DOCK3: variants seen among roughly 807,000 people sequenced by gnomAD.
DOCK3 encodes the protein dedicator of cytokinesis 3.
In DOCK3, 60 loss-of-function variants were observed where a neutral mutation model predicts 265.6. The observed-to-expected ratio is 0.23, with a 90% CI of 0.18 to 0.28. The LOEUF is 0.28. Among genes scored for constraint, DOCK3 ranks in the 10% least tolerant of loss-of-function variants. The probability of loss-of-function intolerance (pLI) is 1.00; values close to 1 mark genes in which losing one functional copy is unlikely to be tolerated. For synonymous variants in DOCK3, 881 were observed against 938.0 expected (o/e 0.94, Z 1.11); for missense variants, 1,981 against 2,594.3 (o/e 0.76, Z 5.14).
intron 3 of DOCK3, among the ~76,000 whole-genome samples, chr3:50,859,384 A>T (rs1299957584): frequency 6.6e-6 from 1 of 151,362 alleles, no homozygotes; most frequent in Non-Finnish European, 1.5e-5. Context: ...TGCCCAGCTA[A>T]TTTTTGTATT....
At chr3:51,128,154 G>A (rs1576173527) in intron 9 of DOCK3, among the ~76,000 whole-genome samples, 2 of 152,312 alleles carry the variant, frequency 1.3e-5, no homozygotes, top group Non-Finnish European at 2.9e-5. Context: ...CTCTAGGCCA[G>A]CAGAATATAA....
intron 5 of DOCK3, among the ~76,000 whole-genome samples, chr3:50,940,257 G>T (rs965310086): frequency 1.4e-5 from 2 of 141,458 alleles, no homozygotes; most frequent in Admixed American, 7.5e-5. Flanking sequence ...TTTGAGATCA[G>T]CCTGGGCAAC....
intron 7 of DOCK3, among the ~76,000 whole-genome samples, chr3:51,082,455 C>T (rs1366355414): frequency 6.6e-6 from 1 of 152,178 alleles, no homozygotes; most frequent in African/African-American, 2.4e-5. Flanking sequence ...TGGTGCAGTG[C>T]ACCTAGGAGA....
At chr3:50,827,252 A>G (rs1183204277) in intron 2 of DOCK3, among the ~76,000 whole-genome samples, 5 of 152,200 alleles carry the variant, frequency 3.3e-5, no homozygotes, top group African/African-American at 4.8e-5. Context: ...TTAGGCTGCT[A>G]TAACAATACT....
intron 35 of DOCK3, among the ~76,000 whole-genome samples, chr3:51,337,857 C>G (rs1175631525): frequency 6.6e-6 from 1 of 152,150 alleles, no homozygotes; most frequent in Admixed American, 6.5e-5. Context: ...TAGATGGCTC[C>G]AAACACTAGT....
intron 4 of DOCK3, among the ~76,000 whole-genome samples, chr3:50,895,391 T>G (rs73079191): frequency 0.094 from 14,285 of 151,684 alleles, 836 homozygotes; most frequent in Non-Finnish European, 0.12. Context: ...GTTCTTCTTC[T>G]TCTTTTTTTT....
intron 5 of DOCK3, among the ~76,000 whole-genome samples, chr3:51,051,614 T>C (rs1363533682): frequency 6.6e-6 from 1 of 152,154 alleles, no homozygotes; most frequent in Non-Finnish European, 1.5e-5. Context: ...AGAGTTGAGA[T>C]AGAAAACCAA....
chr3:50,901,900 C>T (rs750722408), intron 4 of DOCK3, among the ~76,000 whole-genome samples: 23 of 152,256 alleles, frequency 1.5e-4, no homozygotes, highest in Middle Eastern at 3.4e-3. Context: ...AGCTGCAGAC[C>T]GGAGCTGTTC....
chr3:50,934,068 G>A lies in DOCK3; in HGVS notation c.306G>A (p.Gln102=). 1 of 1,606,892 alleles carries A rather than the reference G, an allele frequency of 6.2e-7. No homozygotes were observed. Among genetic ancestry groups the A allele is most frequent in the Non-Finnish European group, 8.5e-7 (1 of 1,175,790 alleles). Reference sequence around the variant, plus strand: ...AAGAATGGGCAAGTTTGTGGAAACAGTTGTATGTGGTAAGTAGTTGATTAC... The same window carrying A: ...AAGAATGGGCAAGTTTGTGGAAACAATTGTATGTGGTAAGTAGTTGATTAC... ...TLQEWASLWK[Q]LYVKHKVDLF... The change falls in exon 5 of 53, where the codon CAG becomes CAA. Residue 102 remains glutamine (Q), a synonymous_variant. Transcript: ENST00000266037.
intron 4 of DOCK3, among the ~76,000 whole-genome samples, chr3:50,931,803 C>T (rs536985703): frequency 1.3e-5 from 2 of 152,326 alleles, no homozygotes; most frequent in Admixed American, 1.3e-4. Context: ...AGTGCCTAAT[C>T]ATTCTGCTTT....
intron 1 of DOCK3, among the ~76,000 whole-genome samples, chr3:50,698,537 T>TTTTTTTTTTTTTTTTTTTTTTTC (rs1454460850): frequency 7.6e-6 from 1 of 132,208 alleles, no homozygotes; most frequent in Non-Finnish European, 1.6e-5. Flanking sequence ...TTTTTTTTTT[T>TTTTTTTTTTTTTTTTTTTTTTTC]TTTTTGCTAT....
intron 3 of DOCK3, among the ~76,000 whole-genome samples, chr3:50,874,452 G>A (rs2107607078): frequency 6.6e-6 from 1 of 151,796 alleles, no homozygotes; most frequent in South Asian, 2.1e-4. Context: ...GCTGCAGTGA[G>A]CTAATTGTTC....
At chr3:50,937,914 T>C (rs1192527293) in intron 5 of DOCK3, among the ~76,000 whole-genome samples, 1 of 151,984 alleles carries the variant, frequency 6.6e-6, no homozygotes. Flanking sequence ...ATATGAGTGA[T>C]TACAAGATAG....
chr3:51,175,088 A>G (rs1317582654), intron 12 of DOCK3, among the ~76,000 whole-genome samples: 1 of 152,192 alleles, frequency 6.6e-6, no homozygotes, highest in East Asian at 1.9e-4. Context: ...CTGGGCAGGC[A>G]GGACTAGCCC....
chr3:50,932,541 C>T (rs1181894842), intron 4 of DOCK3, among the ~76,000 whole-genome samples: 2 of 152,088 alleles, frequency 1.3e-5, no homozygotes, highest in African/African-American at 4.8e-5. Flanking sequence ...AAGTTAGTCC[C>T]CGTGCTTTCA....
At chr3:51,152,527 T>C (rs2085651896) in intron 10 of DOCK3, among the ~76,000 whole-genome samples, 1 of 152,222 alleles carries the variant, frequency 6.6e-6, no homozygotes, top group South Asian at 2.1e-4. Flanking sequence ...CGTCCTGCTT[T>C]GTTCCATTGC....
intron 5 of DOCK3, among the ~76,000 whole-genome samples, chr3:50,944,412 T>C (rs1007500899): frequency 1.3e-5 from 2 of 152,220 alleles, no homozygotes; most frequent in African/African-American, 4.8e-5. Context: ...ACTGGTCTTA[T>C]AAAAAAGTAA....
At chr3:50,831,874 C>T (rs2045198417) in intron 2 of DOCK3, among the ~76,000 whole-genome samples, 2 of 152,210 alleles carry the variant, frequency 1.3e-5, no homozygotes, top group African/African-American at 4.8e-5. Flanking sequence ...TATTTCTCCA[C>T]ATCCTCTCTA....
intron 4 of DOCK3, among the ~76,000 whole-genome samples, chr3:50,906,882 T>G (rs1339478098): frequency 6.6e-6 from 1 of 152,264 alleles, no homozygotes; most frequent in East Asian, 1.9e-4. Flanking sequence ...TGTTTTCTTT[T>G]GTGGGCATTT....
Sources: allele counts gnomAD v4.1 joint callset (sites outside exome capture counted in the v4.1 genomes callset), GRCh38; gene constraint gnomAD v4.1.1; transcripts MANE v1.5; gene names NCBI Gene and HGNC (gene_info 2026-07-23, HGNC 2026-07-21).